The following RYR2 variants were observed in gnomAD, a reference collection of about 807,000 sequenced individuals.
RYR2 encodes ryanodine receptor 2, also known as cardiac muscle ryanodine receptor-calcium release channel.
RYR2 carries 227 observed loss-of-function variants against 601.1 expected under a neutral mutation model. The ratio of observed to expected loss-of-function variants is 0.38; its 90% confidence interval spans 0.34 to 0.42. The LOEUF (loss-of-function observed/expected upper bound fraction) is 0.42, where lower values mean the gene tolerates loss of function less well. RYR2 is among the 10% of genes least tolerant of loss of function. The probability of loss-of-function intolerance (pLI) is 1.00; values close to 1 mark genes in which losing one functional copy is unlikely to be tolerated. For synonymous variants in RYR2, 2,223 were observed against 2,175.1 expected (o/e 1.02, Z -0.61); for missense variants, 4,646 against 6,156.5 (o/e 0.75, Z 8.21).
At chr1:237,050,411 G>T (rs867291218) in intron 1 of RYR2, among the ~76,000 whole-genome samples, 9 of 152,330 alleles carry the variant, frequency 5.9e-5, no homozygotes, top group South Asian at 2.1e-4. Context: ...TTCTTAGTGT[G>T]CAGGGGAAAC....
rs200105499 is a variant in RYR2, at chr1:237,649,983, A to C, written c.7619A>C (p.His2540Pro). Residue 2540 changes from histidine to proline, a missense_variant, in exon 50 of 105, where the codon CAC (histidine) becomes CCC (proline). Physicochemically the swap from His to Pro is moderately conservative, Grantham distance 77. Transcript: ENST00000366574. The part of the protein sequence containing the change: ...RCAPLFAGTE[H>P]HASLIDSLLH... ...GCTCCTCTCTTTGCTGGCACAGAGC[A>C]CCACGCTTCTCTCATTGACTCATTA... 6.2e-7 allele frequency: 1 copy of C among 1,613,986 alleles called. No individual in the cohort carries two copies. Among genetic ancestry groups the C allele is most frequent in the South Asian group, 1.1e-5 (1 of 91,080 alleles).
chr1:237,632,279 A>G (rs1483439715), intron 42 of RYR2, among the ~76,000 whole-genome samples: 1 of 152,010 alleles, frequency 6.6e-6, no homozygotes, highest in African/African-American at 2.4e-5. Context: ...TTCAGACTCC[A>G]CCATCCTCCA....
chr1:237,514,257 TA>T (rs1666200217), intron 24 of RYR2, among the ~76,000 whole-genome samples: 1 of 152,240 alleles, frequency 6.6e-6, no homozygotes, highest in African/African-American at 2.4e-5. Flanking sequence ...CTAAGCCAGC[TA>T]TAGCAGAGAG....
chr1:237,612,172 A>T (rs940935960), intron 36 of RYR2, among the ~76,000 whole-genome samples: 18 of 152,198 alleles, frequency 1.2e-4, no homozygotes, highest in African/African-American at 3.4e-4. Context: ...TCACGGAAGT[A>T]TATTAAGTGA....
chr1:237,042,382 C>T lies in RYR2; in HGVS notation c.-140C>T, dbSNP rs1660011041. The T allele has an allele frequency of 4.8e-6, 4 of 838,186 alleles. No individual in the cohort carries two copies. The African/African-American group carries it at 7.2e-5, about 15-fold the overall frequency. 51.9% of individuals were successfully genotyped at this position (838,186 alleles called of 1,614,324 possible). A position where few individuals can be genotyped will look rare whatever the true frequency, so the allele number is the denominator to read the frequency against. On this transcript the variant is annotated 5_prime_UTR_variant, in exon 1 of 105. Coordinates refer to ENST00000366574, the MANE Select transcript of RYR2 (RefSeq NM_001035.3). Reference sequence around the variant, plus strand: ...CCTCCGCTCTGCAGGCGGGGACCGCCCGGCGCTCGGCACCCGGCAGCGCGG... The same window carrying T: ...CCTCCGCTCTGCAGGCGGGGACCGCTCGGCGCTCGGCACCCGGCAGCGCGG...
intron 10 of RYR2, among the ~76,000 whole-genome samples, chr1:237,409,788 T>C (rs1704263013): frequency 6.6e-6 from 1 of 152,166 alleles, no homozygotes; most frequent in Non-Finnish European, 1.5e-5. Context: ...TTGTCCCTAT[T>C]ATATTCTACA....
chr1:237,254,206 A>ATT (rs5781946), intron 1 of RYR2, among the ~76,000 whole-genome samples: 3 of 151,776 alleles, frequency 2.0e-5, no homozygotes, highest in East Asian at 1.9e-4. Flanking sequence ...GATTACTGTT[A>ATT]TTTTTTTTAT....
At chr1:237,631,788 C>T (rs1474327430) in intron 42 of RYR2, among the ~76,000 whole-genome samples, 4 of 151,474 alleles carry the variant, frequency 2.6e-5, no homozygotes, top group East Asian at 1.9e-4. Flanking sequence ...CCACCTCGCC[C>T]GGCTAATTTT....
At chr1:237,329,597 G>A (rs1240270948) in intron 2 of RYR2, among the ~76,000 whole-genome samples, 4 of 150,448 alleles carry the variant, frequency 2.7e-5, no homozygotes, top group African/African-American at 2.5e-5. Flanking sequence ...AGCCGAGATC[G>A]CACCATCGCA....
chr1:237,053,717 T>G lies in RYR2; in HGVS notation c.48+11148T>G, dbSNP rs945907765. On this transcript the variant is annotated intron_variant, in intron 1 of 104. Transcript: ENST00000366574. Reference sequence around the variant, plus strand: ...AAAGAGCTTATTCTGTCTCTATGGGTGGGATAGGGAATAAGGAAAACGCAA... The same window carrying G: ...AAAGAGCTTATTCTGTCTCTATGGGGGGGATAGGGAATAAGGAAAACGCAA... Among the ~76,000 whole-genome samples the G allele has an allele frequency of 2.6e-5, 4 of 152,140 alleles. No homozygotes were observed. The East Asian group carries it at 7.7e-4, about 29-fold the overall frequency.
At chr1:237,435,610 C>A (rs1707263970) in intron 12 of RYR2, among the ~76,000 whole-genome samples, 1 of 152,000 alleles carries the variant, frequency 6.6e-6, no homozygotes, top group Non-Finnish European at 1.5e-5. Context: ...GTATGCTGGT[C>A]TTTTTTAACG....
intron 8 of RYR2, among the ~76,000 whole-genome samples, chr1:237,383,587 A>G (rs1401716765): frequency 6.0e-5 from 9 of 149,794 alleles, no homozygotes; most frequent in Non-Finnish European, 1.0e-4. Flanking sequence ...CTGCCACCAC[A>G]CCCGGATAAT....
At chr1:237,385,572 C>T (rs1431018627) in intron 8 of RYR2, among the ~76,000 whole-genome samples, 1 of 152,174 alleles carries the variant, frequency 6.6e-6, no homozygotes, top group African/African-American at 2.4e-5. Flanking sequence ...ATCTACTTAT[C>T]ATAATATTAC....
chr1:237,139,072 C>T (rs1222561281), intron 1 of RYR2, among the ~76,000 whole-genome samples: 1 of 152,178 alleles, frequency 6.6e-6, no homozygotes, highest in Non-Finnish European at 1.5e-5. Flanking sequence ...CACACAAAAA[C>T]TTGCTCATGA....
chr1:237,480,924 G>A (rs2618684), intron 17 of RYR2, among the ~76,000 whole-genome samples: 48,274 of 151,138 alleles, frequency 0.32, 9,239 homozygotes, highest in African/African-American at 0.55. Context: ...TTATATTTTA[G>A]TTTTAACCTC....
Position 237,723,204 on chromosome 1 carries a change from C to G in RYR2, c.10631C>G (p.Pro3544Arg), listed in dbSNP as rs752032924. The change falls in exon 74 of 105, where the codon CCA becomes CGA. Residue 3544 changes from proline to arginine, a missense_variant. By Grantham distance (103) the Pro-to-Arg change is moderately radical (BLOSUM62 -2). This residue lies in a region of RYR2 where 1,497 missense variants were observed against 1,842.6 expected (regional missense o/e 0.81). Coordinates refer to ENST00000366574, the MANE Select transcript of RYR2 (RefSeq NM_001035.3). ...AACAGGACTGATGATACCTCAGATCCAGAGAAGACGGTAGAAAGAGTATTG... is the reference window on the plus strand; with the variant it reads ...AACAGGACTGATGATACCTCAGATCGAGAGAAGACGGTAGAAAGAGTATTG... The part of the protein sequence containing the change: ...LPNRTDDTSD[P>R]EKTVERVLDI... The G allele has an allele frequency of 5.6e-6, 9 of 1,610,876 alleles. No individual in the cohort carries two copies. Among genetic ancestry groups the G allele is most frequent in the Non-Finnish European group, 7.6e-6 (9 of 1,177,424 alleles).
chr1:237,231,310 CT>C (rs1684975687), intron 1 of RYR2, among the ~76,000 whole-genome samples: 1 of 136,706 alleles, frequency 7.3e-6, no homozygotes, highest in Non-Finnish European at 1.5e-5. Flanking sequence ...GTCTTTTTTT[CT>C]TTCTTTCTTT....
intron 35 of RYR2, among the ~76,000 whole-genome samples, chr1:237,607,887 G>A (rs1024205959): frequency 2.6e-5 from 4 of 152,130 alleles, no homozygotes; most frequent in Admixed American, 6.5e-5. Flanking sequence ...TCTATAAAAT[G>A]GGGTTCACAG....
chr1:237,541,782 A>G (rs1669294346), intron 25 of RYR2, among the ~76,000 whole-genome samples: 1 of 152,108 alleles, frequency 6.6e-6, no homozygotes, highest in South Asian at 2.1e-4. Flanking sequence ...GGGGGTCACA[A>G]GGTGTTCAGT....
Sources: allele counts gnomAD v4.1 joint callset (sites outside exome capture counted in the v4.1 genomes callset), GRCh38; gene constraint gnomAD v4.1.1; regional missense constraint gnomAD v4.1.1; transcripts MANE v1.5; gene names NCBI Gene and HGNC (gene_info 2026-07-23, HGNC 2026-07-21).